Variants in CCDC7 observed in about 807,000 individuals in gnomAD.
The protein encoded by CCDC7 is coiled-coil domain-containing protein 7.
In CCDC7, 183 loss-of-function variants were observed where a neutral mutation model predicts 196.9. The ratio of observed to expected loss-of-function variants is 0.93; its 90% CI spans 0.82 to 1.05. CCDC7 has a LOEUF of 1.05. CCDC7 is among the 50% of genes least tolerant of loss of function. The pLI, the probability that CCDC7 is intolerant of heterozygous loss-of-function variation, is 0.00. For missense variants in CCDC7, 1,540 were observed against 1,482.2 expected (o/e 1.04, Z -0.64); for synonymous variants, 525 against 484.6 (o/e 1.08, Z -1.10).
chr10:32,865,862 T>A (rs1286918878), intron 41 of CCDC7, among the ~76,000 whole-genome samples: 1 of 151,810 alleles, frequency 6.6e-6, no homozygotes, highest in Non-Finnish European at 1.5e-5. Flanking sequence ...ACAGCCACCA[T>A]GTTTTCCCAT....
intron 21 of CCDC7, among the ~76,000 whole-genome samples, chr10:32,675,979 C>A (rs948269153): frequency 7.9e-5 from 12 of 151,446 alleles, no homozygotes; most frequent in South Asian, 4.2e-4. Context: ...ACCTGACTTC[C>A]AACTATACTA....
At position 32,466,743 on chromosome 10, in the gene CCDC7, C is replaced by T. The variant is rs550142299; in HGVS notation, c.510+3694C>T. 3.0e-4 allele frequency among the ~76,000 whole-genome samples: 45 copies of T among 152,150 alleles called. No homozygotes were observed. The South Asian group carries it at 3.9e-3, about 13-fold the overall frequency. On this transcript the variant is annotated intron_variant, in intron 5 of 41. Coordinates refer to ENST00000639629, the Ensembl canonical transcript of CCDC7. ...GTGTTGCAGTGAACATACACATGTACGTGTCTTTATGATAGGATGATTTAT... is the reference window on the plus strand; with the variant it reads ...GTGTTGCAGTGAACATACACATGTATGTGTCTTTATGATAGGATGATTTAT...
chr10:32,816,037 G>A (rs1442119467), intron 31 of CCDC7, among the ~76,000 whole-genome samples: 1 of 152,174 alleles, frequency 6.6e-6, no homozygotes, highest in Non-Finnish European at 1.5e-5. Context: ...GCAGGGTGAG[G>A]CATCACCTCA....
intron 39 of CCDC7, among the ~76,000 whole-genome samples, chr10:32,849,343 C>T (rs1207235568): frequency 6.6e-6 from 1 of 151,980 alleles, no homozygotes; most frequent in East Asian, 1.9e-4. Context: ...GGTTGGCTGG[C>T]TGTTGTTTGA....
At chr10:32,802,127 G>T (rs191171609) in intron 29 of CCDC7, among the ~76,000 whole-genome samples, 36 of 152,198 alleles carry the variant, frequency 2.4e-4, no homozygotes, top group African/African-American at 8.4e-4. Context: ...TCTCACTTAG[G>T]GCAACCTTAG....
chr10:32,706,163 ACT>A (rs1321420307), intron 24 of CCDC7, among the ~76,000 whole-genome samples: 1 of 152,126 alleles, frequency 6.6e-6, no homozygotes, highest in East Asian at 1.9e-4. Flanking sequence ...GGATTGAGAA[ACT>A]CTTTCAAAAC....
intron 8 of CCDC7, among the ~76,000 whole-genome samples, chr10:32,485,965 T>A (rs999361515): frequency 6.6e-6 from 1 of 152,166 alleles, no homozygotes; most frequent in African/African-American, 2.4e-5. Flanking sequence ...GAGAAGATTG[T>A]ATATTCGGTT....
chr10:32,514,113 A>G (rs2046657951), intron 9 of CCDC7: 1 of 152,234 alleles, frequency 6.6e-6, no homozygotes. Context: ...TATTGGAAGT[A>G]ATGAATGAAT....
Position 32,492,004 on chromosome 10 carries a change from T to A in CCDC7, c.872+7T>A. 5.2e-6 allele frequency: 8 copies of A among 1,526,458 alleles called. No individual in the cohort carries two copies. Among genetic ancestry groups the A allele is most frequent in the Non-Finnish European group, 7.0e-6 (8 of 1,145,086 alleles). The allele number at this position is 1,526,458 out of a possible 1,614,324, so 94.6% of individuals were successfully genotyped here. ...AGGCAAATATGTTGGAGAGGTAAGC[T>A]TTTTTGTTTTTGCATTTTATTATTT... On this transcript the variant is annotated splice_region_variant and intron_variant, in intron 9 of 41. Coordinates refer to ENST00000639629, the Ensembl canonical transcript of CCDC7.
At chr10:32,816,086 GT>G (rs1370109991) in intron 31 of CCDC7, among the ~76,000 whole-genome samples, 2 of 147,454 alleles carry the variant, frequency 1.4e-5, no homozygotes, top group African/African-American at 2.6e-5. Flanking sequence ...CCCTTTCCTA[GT>G]AAAAGAAAGG....
Position 32,582,111 on chromosome 10 carries a change from T to TATATATATAC in CCDC7, c.1455-914_1455-913insCATATATATA, listed in dbSNP as rs1269138386. On this transcript the variant is annotated intron_variant, in intron 16 of 41. Transcript: ENST00000639629. ...GTTTTTTTAAACTGTCAGCACTATA[T>TATATATATAC]ATATATATATATATATATATATATA... Among the ~76,000 whole-genome samples, 43 of 29,500 alleles carry TATATATATAC rather than the reference T, an allele frequency of 1.5e-3. 1 individual carries two copies. The highest frequency in any genetic ancestry group is 0.015 in the Middle Eastern group (1 of 68). 19.4% of individuals were successfully genotyped at this position (29,500 alleles called of 152,430 possible).
chr10:32,696,606 A>G (rs1171679971), intron 24 of CCDC7, among the ~76,000 whole-genome samples: 1 of 152,072 alleles, frequency 6.6e-6, no homozygotes, highest in East Asian at 1.9e-4. Flanking sequence ...ACTGGGCAGA[A>G]CCTAGGAGGC....
chr10:32,745,340 C>G (rs1433737381), intron 28 of CCDC7, among the ~76,000 whole-genome samples: 1 of 152,114 alleles, frequency 6.6e-6, no homozygotes, highest in Non-Finnish European at 1.5e-5. Context: ...ATAAAGAAAA[C>G]AGGTTTATTT....
intron 21 of CCDC7, among the ~76,000 whole-genome samples, chr10:32,676,901 C>T (rs1294642542): frequency 6.6e-6 from 1 of 152,130 alleles, no homozygotes; most frequent in African/African-American, 2.4e-5. Context: ...AATCATGCTG[C>T]TATAAAGACA....
At chr10:32,722,992 T>A (rs1274123988) in intron 25 of CCDC7, among the ~76,000 whole-genome samples, 1 of 152,104 alleles carries the variant, frequency 6.6e-6, no homozygotes, top group Non-Finnish European at 1.5e-5. Flanking sequence ...GGTTAAGAGT[T>A]GAATGGGAGT....
chr10:32,673,935 C>T (rs972511356), intron 21 of CCDC7, among the ~76,000 whole-genome samples: 23 of 151,832 alleles, frequency 1.5e-4, no homozygotes, highest in African/African-American at 4.6e-4. Flanking sequence ...GATCTTTTCT[C>T]ATTTCCATGG....
At chr10:32,817,879 A>C (rs2089151603) in intron 31 of CCDC7, among the ~76,000 whole-genome samples, 1 of 152,232 alleles carries the variant, frequency 6.6e-6, no homozygotes, top group African/African-American at 2.4e-5. Flanking sequence ...GCCACGGCAA[A>C]AACATGCCAA....
At chr10:32,521,916 G>A (rs1004199544) in intron 11 of CCDC7, among the ~76,000 whole-genome samples, 1 of 152,144 alleles carries the variant, frequency 6.6e-6, no homozygotes, top group African/African-American at 2.4e-5. Context: ...ATGAAGGGAT[G>A]TTGAACTTTA....
At position 32,547,586 on chromosome 10, in the gene CCDC7, T is replaced by G. The variant is rs994565875; in HGVS notation, c.1134+3285T>G. Among the ~76,000 whole-genome samples the G allele has an allele frequency of 2.7e-5, 4 of 150,256 alleles. No individual in the cohort carries two copies. In the East Asian group the frequency reaches 7.7e-4, roughly 29 times the overall value. On this transcript the variant is annotated intron_variant, in intron 13 of 41. Coordinates refer to ENST00000639629, the Ensembl canonical transcript of CCDC7. ...TAGATTTTTGCCTGCCGTCTTATTT[T>G]ATTAAAAAAAAATTTATTTTTATTT...
Sources: allele counts gnomAD v4.1 joint callset (sites outside exome capture counted in the v4.1 genomes callset), GRCh38; gene constraint gnomAD v4.1.1; transcripts MANE v1.5; gene names NCBI Gene and HGNC (gene_info 2026-07-23, HGNC 2026-07-21).